Variants in THSD7B observed in about 807,000 individuals in gnomAD.
THSD7B encodes the protein thrombospondin type-1 domain-containing protein 7B.
THSD7B carries 138 observed loss-of-function variants against 213.6 expected under a neutral mutation model. The observed-to-expected ratio is 0.65, with a 90% CI of 0.56 to 0.74. The LOEUF (loss-of-function observed/expected upper bound fraction) is 0.74. Among genes scored for constraint, THSD7B ranks in the 30% least tolerant of loss-of-function variants. The pLI is 0.00. For synonymous variants in THSD7B, 742 were observed against 687.0 expected (o/e 1.08, Z -1.25); for missense variants, 1,931 against 1,991.5 (o/e 0.97, Z 0.58).
chr2:137,337,383 G>T (rs567938339), intron 12 of THSD7B, among the ~76,000 whole-genome samples: 1 of 152,034 alleles, frequency 6.6e-6, no homozygotes, highest in African/African-American at 2.4e-5. Context: ...GTTGGAGTTT[G>T]TCTGATGTCT....
chr2:136,990,173 A>G (rs1021779334), intron 2 of THSD7B, among the ~76,000 whole-genome samples: 2 of 152,260 alleles, frequency 1.3e-5, no homozygotes, highest in Non-Finnish European at 2.9e-5. Flanking sequence ...TTATACATGT[A>G]GTTAACGGCG....
Position 137,420,615 on chromosome 2 carries a change from A to G in THSD7B, c.2959+8743A>G, listed in dbSNP as rs142410028. On this transcript the variant is annotated intron_variant, in intron 14 of 27. Coordinates refer to ENST00000409968, the MANE Select transcript of THSD7B (RefSeq NM_001316349.2). ...CTGAGAGATGGACCATGAACACTTC[A>G]TCACTCTATCATCACAAACAGCTGG... Among the ~76,000 whole-genome samples the G allele has an allele frequency of 3.0e-4, 45 of 152,304 alleles. No individual in the cohort carries two copies. The East Asian group carries it at 7.5e-3, about 25-fold the overall frequency.
At chr2:137,117,244 T>G (rs181677402) in intron 5 of THSD7B, among the ~76,000 whole-genome samples, 12 of 152,332 alleles carry the variant, frequency 7.9e-5, no homozygotes, top group Admixed American at 7.8e-4. Context: ...CTTTCACTTC[T>G]TACTGTTATC....
At chr2:137,101,479 G>T (rs1688148522) in intron 4 of THSD7B, among the ~76,000 whole-genome samples, 1 of 152,222 alleles carries the variant, frequency 6.6e-6, no homozygotes, top group Non-Finnish European at 1.5e-5. Flanking sequence ...CTATTTAGAA[G>T]TAGAGCTAGC....
chr2:136,997,690 C>T (rs963479279), intron 2 of THSD7B, among the ~76,000 whole-genome samples: 1 of 152,112 alleles, frequency 6.6e-6, no homozygotes, highest in African/African-American at 2.4e-5. Flanking sequence ...AGTTTCCTCC[C>T]TCCAGTTATT....
At chr2:137,421,381 C>T (rs1202324855) in intron 14 of THSD7B, among the ~76,000 whole-genome samples, 1 of 152,192 alleles carries the variant, frequency 6.6e-6, no homozygotes, top group African/African-American at 2.4e-5. Context: ...AAAATTCTGA[C>T]CAACTGGCTT....
In THSD7B at chr2:137,049,562, T is replaced by C. The variant is rs147373576; in HGVS notation, c.140-6858T>C. 4.2e-4 allele frequency among the ~76,000 whole-genome samples: 64 copies of C among 152,262 alleles called. 1 individual carries two copies. Among genetic ancestry groups the C allele is most frequent in the Admixed American group, 7.8e-4 (12 of 15,302 alleles). ...AAATAATAAACCATGCCTATTACTATTATTGTAATTGTTATTCTAGGGACA... is the reference window on the plus strand; with the variant it reads ...AAATAATAAACCATGCCTATTACTACTATTGTAATTGTTATTCTAGGGACA... On this transcript the variant is annotated intron_variant, in intron 2 of 27. Coordinates refer to ENST00000409968, the MANE Select transcript of THSD7B (RefSeq NM_001316349.2).
intron 15 of THSD7B, among the ~76,000 whole-genome samples, chr2:137,469,961 G>C (rs1479984105): frequency 6.6e-6 from 1 of 152,156 alleles, no homozygotes; most frequent in Non-Finnish European, 1.5e-5. Flanking sequence ...GTTTCAAATG[G>C]TTAGATTTGG....
Position 137,414,580 on chromosome 2 carries a change from T to A in THSD7B, c.2959+2708T>A, listed in dbSNP as rs561624998. On this transcript the variant is annotated intron_variant, in intron 14 of 27. Coordinates refer to ENST00000409968, the MANE Select transcript of THSD7B (RefSeq NM_001316349.2). ...GAAAAAATAAAAAATTAGCCAGGCA[T>A]GGTAGCATGCATCTGTGGTCCCAAC... 6.6e-5 allele frequency among the ~76,000 whole-genome samples: 10 copies of A among 151,950 alleles called. No homozygotes were observed. The East Asian group carries it at 1.9e-3, about 30-fold the overall frequency.
intron 2 of THSD7B, among the ~76,000 whole-genome samples, chr2:136,982,785 T>C (rs985867863): frequency 2.0e-5 from 3 of 152,176 alleles, no homozygotes. Context: ...AGACTTTTGA[T>C]TAAGGCCAGT....
At chr2:137,301,934 G>C (rs72975686) in intron 12 of THSD7B, among the ~76,000 whole-genome samples, 1 of 152,014 alleles carries the variant, frequency 6.6e-6, no homozygotes, top group Non-Finnish European at 1.5e-5. Context: ...CGGTTTACAT[G>C]GTGGTTAAGT....
At chr2:137,387,702 A>G (rs890242980) in intron 12 of THSD7B, among the ~76,000 whole-genome samples, 3 of 152,196 alleles carry the variant, frequency 2.0e-5, no homozygotes, top group African/African-American at 7.2e-5. Flanking sequence ...GTGATTTGTT[A>G]TGATCTGAAG....
At chr2:137,067,710 T>G (rs1237611673) in intron 3 of THSD7B, among the ~76,000 whole-genome samples, 1 of 152,084 alleles carries the variant, frequency 6.6e-6, no homozygotes, top group Non-Finnish European at 1.5e-5. Context: ...GGTATATGCC[T>G]TCTTTTATAT....
In THSD7B at chr2:137,369,973, A is replaced by C. The variant is rs567832821; in HGVS notation, c.2501-35640A>C. Among the ~76,000 whole-genome samples the C allele has an allele frequency of 2.8e-4, 8 of 28,436 alleles. No homozygotes were observed. The South Asian group carries it at 0.011, about 39-fold the overall frequency. 18.7% of individuals were successfully genotyped at this position (28,436 alleles called of 152,430 possible). A position where few individuals can be genotyped will look rare whatever the true frequency, so the allele number is the denominator to read the frequency against. ...AATAGCTGTCTCTGTTATTTTCACAAAATTGGAAGAAAAAATCTGCCACTT... is the reference window on the plus strand; with the variant it reads ...AATAGCTGTCTCTGTTATTTTCACACAATTGGAAGAAAAAATCTGCCACTT... On this transcript the variant is annotated intron_variant, in intron 12 of 27. Transcript: ENST00000409968.
chr2:136,819,577 G>T (rs1012074406), intron 1 of THSD7B, among the ~76,000 whole-genome samples: 1 of 152,130 alleles, frequency 6.6e-6, no homozygotes, highest in Non-Finnish European at 1.5e-5. Context: ...TCCCTGGGAA[G>T]ACTAAATGAG....
At chr2:137,540,623 T>G (rs2105191552) in intron 15 of THSD7B, among the ~76,000 whole-genome samples, 1 of 151,820 alleles carries the variant, frequency 6.6e-6, no homozygotes, top group East Asian at 2.0e-4. Context: ...AACACCCCAC[T>G]CACACAGCTA....
intron 12 of THSD7B, among the ~76,000 whole-genome samples, chr2:137,386,115 C>T (rs563905062): frequency 1.3e-5 from 2 of 152,148 alleles, no homozygotes; most frequent in Non-Finnish European, 2.9e-5. Context: ...TCTCTGCACA[C>T]CTTTCATGGT....
rs144932931 is a variant in THSD7B at position 137,211,715 on chromosome 2, T to C, written c.1724-19329T>C. ...ATTGTTTGATTCATGGTTTGTGAAA[T>C]TGCTTGATAAACAGTTAAGTGTTCT... On this transcript the variant is annotated intron_variant, in intron 7 of 27. Coordinates refer to ENST00000409968, the MANE Select transcript of THSD7B (RefSeq NM_001316349.2). Among the ~76,000 whole-genome samples, 120 of 151,854 alleles carry C rather than the reference T, an allele frequency of 7.9e-4. 1 individual carries two copies. In the South Asian group the frequency reaches 0.011, roughly 14 times the overall value.
At chr2:136,907,353 GAATT>G (rs1684183032) in intron 2 of THSD7B, among the ~76,000 whole-genome samples, 1 of 152,084 alleles carries the variant, frequency 6.6e-6, no homozygotes, top group African/African-American at 2.4e-5. Flanking sequence ...ATTCTGTACA[GAATT>G]AAGTAGTCAC....
Sources: allele counts gnomAD v4.1 joint callset (sites outside exome capture counted in the v4.1 genomes callset), GRCh38; gene constraint gnomAD v4.1.1; transcripts MANE v1.5; gene names NCBI Gene and HGNC (gene_info 2026-07-23, HGNC 2026-07-21).